The following SAMD4A variants were observed in gnomAD, a reference collection of about 807,000 sequenced individuals.
The protein encoded by SAMD4A is protein Smaug homolog 1.
In SAMD4A, 33 loss-of-function variants were observed where a neutral mutation model predicts 81.3. The ratio of observed to expected loss-of-function variants is 0.41; its 90% CI spans 0.31 to 0.54. SAMD4A has a LOEUF of 0.54. SAMD4A is among the 20% of genes least tolerant of loss of function. The pLI, the probability that SAMD4A is intolerant of heterozygous loss-of-function variation, is 0.37. For synonymous variants in SAMD4A, 389 were observed against 382.1 expected, an observed-to-expected ratio of 1.02 and a Z score of -0.21; for missense variants, 854 against 951.1, an observed-to-expected ratio of 0.90 and a Z score of 1.34.
chr14:54,771,761 G>A (rs1447414720), intron 9 of SAMD4A, among the ~76,000 whole-genome samples: 3 of 152,180 alleles, frequency 2.0e-5, no homozygotes, highest in Non-Finnish European at 4.4e-5. Flanking sequence ...CCAAGAGGAA[G>A]AAGGCATTCG....
At chr14:54,648,714 G>A (rs192508381) in intron 2 of SAMD4A, among the ~76,000 whole-genome samples, 3 of 152,300 alleles carry the variant, frequency 2.0e-5, no homozygotes, top group African/African-American at 7.2e-5. Context: ...CAGGAGCTGT[G>A]TGGGTCGTGT....
At chr14:54,700,340 G>C (rs534740411) in intron 2 of SAMD4A, among the ~76,000 whole-genome samples, 1 of 152,298 alleles carries the variant, frequency 6.6e-6, no homozygotes, top group African/African-American at 2.4e-5. Context: ...GCATGTCTGG[G>C]ATTTGTGTCC....
chr14:54,730,445 A>G (rs935358384), intron 3 of SAMD4A, among the ~76,000 whole-genome samples: 2 of 152,170 alleles, frequency 1.3e-5, no homozygotes, highest in African/African-American at 4.8e-5. Context: ...TGTCAGGAAC[A>G]TCCCGTCCAC....
At chr14:54,785,136 C>T (rs2039103160) in intron 12 of SAMD4A, among the ~76,000 whole-genome samples, 1 of 152,242 alleles carries the variant, frequency 6.6e-6, no homozygotes. Flanking sequence ...TTGCAAACAA[C>T]TTTCTTGACA....
At chr14:54,583,811 A>G (rs146743178) in intron 2 of SAMD4A, among the ~76,000 whole-genome samples, 153 of 152,352 alleles carry the variant, frequency 1.0e-3, no homozygotes, top group African/African-American at 3.2e-3. Flanking sequence ...TATTTAATGA[A>G]CCTTTTGAAA....
chr14:54,755,051 G>A (rs1339069418), intron 6 of SAMD4A, among the ~76,000 whole-genome samples: 1 of 152,234 alleles, frequency 6.6e-6, no homozygotes, highest in African/African-American at 2.4e-5. Context: ...GCTGTGCAGT[G>A]ATGAGGTGGG....
chr14:54,776,855 AGTGTGTGTGTGTGTGTGT>A (rs34095224), intron 11 of SAMD4A, among the ~76,000 whole-genome samples: 1 of 149,852 alleles, frequency 6.7e-6, no homozygotes, highest in Non-Finnish European at 1.5e-5. Flanking sequence ...CTCCATGTGT[AGTGTGTGTGTGTGTGTGT>A]GTGTGTGTGG....
intron 2 of SAMD4A, among the ~76,000 whole-genome samples, chr14:54,622,117 G>C (rs1254123743): frequency 6.6e-6 from 1 of 152,150 alleles, no homozygotes; most frequent in Non-Finnish European, 1.5e-5. Context: ...ATATTTTGTG[G>C]TAGGGACACC....
chr14:54,729,233 G>A (rs2037498842), intron 3 of SAMD4A, among the ~76,000 whole-genome samples: 1 of 152,144 alleles, frequency 6.6e-6, no homozygotes, highest in Non-Finnish European at 1.5e-5. Context: ...ACACTCAGTA[G>A]CAGTCTAGGT....
At position 54,579,158 on chromosome 14, in the gene SAMD4A, A is replaced by G. The variant is rs568344818; in HGVS notation, c.196+11046A>G. On this transcript the variant is annotated intron_variant, in intron 2 of 12. Transcript: ENST00000554335. Reference sequence around the variant, plus strand: ...ACAGCAACATACACACACAAACACTATCTCCTGTTATTGAATGGATGAATG... The same window carrying G: ...ACAGCAACATACACACACAAACACTGTCTCCTGTTATTGAATGGATGAATG... Among the ~76,000 whole-genome samples, 4 of 152,322 alleles carry G rather than the reference A, an allele frequency of 2.6e-5. No individual in the cohort carries two copies. The East Asian group carries it at 5.8e-4, about 22-fold the overall frequency.
intron 4 of SAMD4A, among the ~76,000 whole-genome samples, chr14:54,738,800 G>A (rs2037765163): frequency 6.6e-6 from 1 of 152,210 alleles, no homozygotes. Flanking sequence ...AAGGGAGGCT[G>A]AGACAGCCGT....
chr14:54,770,517 C>T (rs2038673965), intron 9 of SAMD4A, among the ~76,000 whole-genome samples: 1 of 152,230 alleles, frequency 6.6e-6, no homozygotes, highest in Non-Finnish European at 1.5e-5. Flanking sequence ...TTAACAAATG[C>T]AGGCAAAACA....
intron 2 of SAMD4A, among the ~76,000 whole-genome samples, chr14:54,640,838 C>T (rs376268720): frequency 1.3e-5 from 2 of 152,190 alleles, no homozygotes; most frequent in South Asian, 4.1e-4. Flanking sequence ...GATTTCCCAA[C>T]AATTACATTC....
chr14:54,777,734 T>C (rs1328229829), intron 11 of SAMD4A, among the ~76,000 whole-genome samples: 1 of 152,010 alleles, frequency 6.6e-6, no homozygotes, highest in Non-Finnish European at 1.5e-5. Context: ...GACACACTGC[T>C]GGGAACGGCA....
In SAMD4A at chr14:54,567,801, C is replaced by A. The variant is rs2032983258; in HGVS notation, c.-116C>A. 2 of 1,140,136 alleles carry A rather than the reference C, an allele frequency of 1.8e-6. No homozygotes were observed. Among genetic ancestry groups the A allele is most frequent in the Admixed American group, 5.0e-5 (2 of 40,082 alleles). The allele number at this position is 1,140,136 out of a possible 1,614,324, so 70.6% of individuals were successfully genotyped here. A position where few individuals can be genotyped will look rare whatever the true frequency, so the allele number is the denominator to read the frequency against. ...CTGCAGCGTCCGGGCACCAGAGCCA[C>A]CTTGGAACAGGAACGCGTCTCCGGC... On this transcript the variant is annotated 5_prime_UTR_variant, in exon 2 of 13. Coordinates refer to ENST00000554335, the MANE Select transcript of SAMD4A (RefSeq NM_015589.6).
At chr14:54,599,223 G>A (rs756223851) in intron 2 of SAMD4A, among the ~76,000 whole-genome samples, 19 of 152,104 alleles carry the variant, frequency 1.2e-4, no homozygotes, top group Non-Finnish European at 1.8e-4. Flanking sequence ...CTGTTTTTGA[G>A]ACCTTTAATT....
intron 12 of SAMD4A, among the ~76,000 whole-genome samples, chr14:54,785,683 G>A (rs2039122925): frequency 6.6e-6 from 1 of 152,246 alleles, no homozygotes; most frequent in Non-Finnish European, 1.5e-5. Flanking sequence ...CTGCTTCAGA[G>A]AGCCTTGTCC....
chr14:54,603,388 A>C (rs1439185814), intron 2 of SAMD4A, among the ~76,000 whole-genome samples: 1 of 152,216 alleles, frequency 6.6e-6, no homozygotes, highest in Non-Finnish European at 1.5e-5. Flanking sequence ...CAGTTTTATG[A>C]ATATGGATTT....
At chr14:54,662,398 A>ATT (rs574829875) in intron 2 of SAMD4A, among the ~76,000 whole-genome samples, 17 of 125,892 alleles carry the variant, frequency 1.4e-4, no homozygotes, top group Admixed American at 3.1e-4. Context: ...TGGGACACTT[A>ATT]TTTTTTTTTT....
Sources: allele counts gnomAD v4.1 joint callset (sites outside exome capture counted in the v4.1 genomes callset), GRCh38; gene constraint gnomAD v4.1.1; transcripts MANE v1.5; gene names NCBI Gene and HGNC (gene_info 2026-07-23, HGNC 2026-07-21).